The following SLC47A2 variants were observed in gnomAD, a reference collection of about 807,000 sequenced individuals.
SLC47A2 encodes multidrug and toxin extrusion protein 2.
SLC47A2 carries 52 observed loss-of-function variants against 67.7 expected under a neutral mutation model. That is an observed-to-expected ratio of 0.77 (90% confidence interval 0.61 to 0.97). The LOEUF (loss-of-function observed/expected upper bound fraction) is 0.97. Among genes scored for constraint, SLC47A2 ranks in the 50% least tolerant of loss-of-function variants. The pLI is 0.00. For missense variants in SLC47A2, 676 were observed against 712.3 expected (o/e 0.95, Z 0.58); for synonymous variants, 278 against 292.9 (o/e 0.95, Z 0.52).
intron 13 of SLC47A2, among the ~76,000 whole-genome samples, chr17:19,695,999 C>A (rs773075078): frequency 4.0e-5 from 6 of 151,718 alleles, no homozygotes; most frequent in Non-Finnish European, 8.8e-5. Flanking sequence ...GCTGCGATTA[C>A]AGGTGTGAGC....
At position 19,712,695 on chromosome 17, in the gene SLC47A2, G is replaced by T; in HGVS notation, c.486+8C>A. 1 of 1,613,002 alleles carries T rather than the reference G, an allele frequency of 6.2e-7. No individual in the cohort carries two copies. The highest frequency in any genetic ancestry group is 2.2e-5 in the East Asian group (1 of 44,868). On this transcript the variant is annotated splice_region_variant and intron_variant, in intron 5 of 16. Coordinates refer to ENST00000433844, the MANE Select transcript of SLC47A2 (RefSeq NM_001099646.3). The stretch of plus-strand genomic sequence containing the variant: ...GTGATTCCACGCTCAGCAAACAGGG[G>T]CACCTACCGGAAGTCCTGGAATGAA...
intron 8 of SLC47A2, 98 bp downstream of exon 8, chr17:19,707,648 C>A: frequency 9.6e-7 from 1 of 1,036,992 alleles, no homozygotes; most frequent in South Asian, 1.5e-5. Context: ...CTCCAACAGG[C>A]TCTACTGCAC....
intron 13 of SLC47A2, chr17:19,702,285 G>T (rs906761474): frequency 2.0e-6 from 2 of 985,310 alleles, no homozygotes; most frequent in Non-Finnish European, 2.4e-6. Context: ...GGCCAGCCTG[G>T]GGCACAGGTC....
rs1016906241 is a variant in SLC47A2 at position 19,678,401 on chromosome 17, A to G, written c.*285T>C. On this transcript the variant is annotated 3_prime_UTR_variant, in exon 17 of 17. Transcript: ENST00000433844. ...CCATTTGAAGCCATTTACATTATTA[A>G]TAATAGTGACAATCCCTGGACTCTG... is the stretch of plus-strand genomic sequence containing the variant. The G allele has an allele frequency of 9.5e-6, 4 of 420,944 alleles. No individual in the cohort carries two copies. Among genetic ancestry groups the G allele is most frequent in the Non-Finnish European group, 1.7e-5 (4 of 231,560 alleles). 26.1% of individuals were successfully genotyped at this position (420,944 alleles called of 1,614,324 possible). A position where few individuals can be genotyped will look rare whatever the true frequency, so the allele number is the denominator to read the frequency against.
At chr17:19,704,707 G>A (rs1396918737) in intron 10 of SLC47A2, 1 of 1,549,386 alleles carries the variant, frequency 6.5e-7, no homozygotes, top group South Asian at 1.2e-5. Flanking sequence ...GTGGGGAGTA[G>A]AGGGGAGGTG....
chr17:19,715,280 G>T (rs2086223157), intron 1 of SLC47A2, 63 bp from the exon 2 acceptor site: 4 of 1,465,268 alleles, frequency 2.7e-6, no homozygotes, highest in Non-Finnish European at 3.8e-6. Flanking sequence ...AGCCCTGCAA[G>T]ACAGGCCTCT....
chr17:19,708,478 G>A (rs1054983499), intron 6 of SLC47A2, 79 bp from the exon 7 acceptor site: 2 of 1,614,104 alleles, frequency 1.2e-6, no homozygotes, highest in African/African-American at 1.3e-5. Flanking sequence ...TTTGGAATGG[G>A]GACTCCTCCT....
chr17:19,711,253 T>C (rs1355493673), intron 5 of SLC47A2, among the ~76,000 whole-genome samples: 1 of 152,138 alleles, frequency 6.6e-6, no homozygotes, highest in East Asian at 1.9e-4. Flanking sequence ...CGAAGAGCTA[T>C]TCACATAATA....
chr17:19,690,526 G>T (rs893157003), intron 13 of SLC47A2, among the ~76,000 whole-genome samples: 1 of 152,068 alleles, frequency 6.6e-6, no homozygotes, highest in Admixed American at 6.6e-5. Context: ...CTATCAATCT[G>T]ATGAGAGATT....
chr17:19,711,333 T>A (rs1328374805), intron 5 of SLC47A2, among the ~76,000 whole-genome samples: 2 of 151,088 alleles, frequency 1.3e-5, no homozygotes, highest in African/African-American at 4.8e-5. Flanking sequence ...GGCTCACGCC[T>A]GTAATCCCAG....
intron 13 of SLC47A2, among the ~76,000 whole-genome samples, chr17:19,696,240 C>T (rs2085659263): frequency 6.8e-6 from 1 of 146,194 alleles, no homozygotes; most frequent in Non-Finnish European, 1.5e-5. Flanking sequence ...ATCATGAGAT[C>T]AGGAGATCAA....
Position 19,712,693 on chromosome 17 carries a change from G to A in SLC47A2, c.486+10C>T. 6.2e-7 allele frequency: 1 copy of A among 1,612,940 alleles called. No homozygotes were observed. Among genetic ancestry groups the A allele is most frequent in the South Asian group, 1.1e-5 (1 of 90,594 alleles). On this transcript the variant is annotated intron_variant, in intron 5 of 16. Transcript: ENST00000433844. The stretch of plus-strand genomic sequence containing the variant: ...ATGTGATTCCACGCTCAGCAAACAG[G>A]GGCACCTACCGGAAGTCCTGGAATG...
intron 1 of SLC47A2, chr17:19,715,647 T>G (rs1216734438): frequency 1.3e-5 from 2 of 155,900 alleles, no homozygotes; most frequent in African/African-American, 4.8e-5. Context: ...CTTTCATTTT[T>G]TTCTAAAAGT....
intron 16 of SLC47A2, among the ~76,000 whole-genome samples, chr17:19,679,288 G>T (rs1268794931): frequency 6.6e-6 from 1 of 152,172 alleles, no homozygotes; most frequent in Non-Finnish European, 1.5e-5. Context: ...GCTCACTACT[G>T]CCCTGATCAA....
chr17:19,714,987 G>A, intron 2 of SLC47A2, 129 bp downstream of exon 2: 1 of 1,270,820 alleles, frequency 7.9e-7, no homozygotes, highest in South Asian at 1.2e-5. Context: ...ACCTGTGAAG[G>A]CAGCTGTCCA....
intron 16 of SLC47A2, among the ~76,000 whole-genome samples, chr17:19,679,672 C>G (rs574321167): frequency 6.6e-6 from 1 of 152,068 alleles, no homozygotes; most frequent in East Asian, 1.9e-4. Context: ...GAGGAAATAC[C>G]TAAGTTCTTT....
chr17:19,694,314 A>C (rs189268892), intron 13 of SLC47A2, among the ~76,000 whole-genome samples: 208 of 152,338 alleles, frequency 1.4e-3, no homozygotes, highest in Middle Eastern at 6.8e-3. Context: ...AAAGAGTCAA[A>C]AGAGTTTGGG....
intron 13 of SLC47A2, among the ~76,000 whole-genome samples, chr17:19,690,218 A>G (rs998006264): frequency 6.6e-6 from 1 of 152,230 alleles, no homozygotes; most frequent in Non-Finnish European, 1.5e-5. Flanking sequence ...GGATATTCAT[A>G]CGTAGAAGAA....
chr17:19,697,981 G>T (rs1451183695), intron 13 of SLC47A2, among the ~76,000 whole-genome samples: 1 of 152,042 alleles, frequency 6.6e-6, no homozygotes, highest in African/African-American at 2.4e-5. Flanking sequence ...ACAAAAAGGG[G>T]CTCGTCATTA....
Sources: allele counts gnomAD v4.1 joint callset (sites outside exome capture counted in the v4.1 genomes callset), GRCh38; gene constraint gnomAD v4.1.1; transcripts MANE v1.5; gene names NCBI Gene and HGNC (gene_info 2026-07-23, HGNC 2026-07-21).